UBXN2A: variants seen among roughly 807,000 people sequenced by gnomAD.
UBXN2A encodes the protein UBX domain protein 2A, also known as UBX domain-containing protein 2A.
A neutral mutation model predicts 28.4 loss-of-function variants in UBXN2A; 28 were observed. That is an observed-to-expected ratio of 0.99 (90% CI 0.73 to 1.35). UBXN2A has a LOEUF of 1.35. Among genes scored for constraint, UBXN2A ranks in the 40% most tolerant of loss-of-function variants. The probability of loss-of-function intolerance (pLI) is 0.00; values close to 1 mark genes in which losing one functional copy is unlikely to be tolerated. For synonymous variants in UBXN2A, 97 were observed against 103.6 expected, an observed-to-expected ratio of 0.94 and a Z score of 0.39; for missense variants, 253 against 297.9, an observed-to-expected ratio of 0.85 and a Z score of 1.11.
At chr2:23,964,866 G>C (rs1278785161) in intron 2 of UBXN2A, among the ~76,000 whole-genome samples, 1 of 152,156 alleles carries the variant, frequency 6.6e-6, no homozygotes, top group Non-Finnish European at 1.5e-5. Context: ...TTTACTGGCT[G>C]AGCGCAGTGG....
intron 6 of UBXN2A, among the ~76,000 whole-genome samples, chr2:23,990,540 C>CG (rs1223236990): frequency 8.3e-4 from 40 of 48,078 alleles, no homozygotes; most frequent in South Asian, 6.7e-3. Context: ...GCCGGGGGGG[C>CG]GGGGGGGCGG....
intron 2 of UBXN2A, among the ~76,000 whole-genome samples, chr2:23,965,528 A>G (rs939311568): frequency 7.2e-5 from 11 of 152,194 alleles, no homozygotes; most frequent in African/African-American, 2.7e-4. Flanking sequence ...ATTAATTTTC[A>G]GTGTTAAACC....
chr2:23,981,438 A>C (rs1707894351), intron 4 of UBXN2A, among the ~76,000 whole-genome samples: 1 of 128,254 alleles, frequency 7.8e-6, no homozygotes. Context: ...TGTTGTTGCC[A>C]CTGGACTCCA....
At chr2:23,958,274 T>C in intron 1 of UBXN2A, 27 bp from the exon 2 acceptor site, 1 of 1,567,934 alleles carries the variant, frequency 6.4e-7, no homozygotes, top group Non-Finnish European at 8.6e-7. Context: ...TACTTTCTTT[T>C]TACTTACTTT....
At chr2:23,982,812 A>G in intron 4 of UBXN2A, 84 bp from the exon 5 acceptor site, 1 of 1,382,420 alleles carries the variant, frequency 7.2e-7, no homozygotes, top group Non-Finnish European at 9.7e-7. Context: ...ATTTCTACAT[A>G]TTCATTTTTT....
Position 23,984,710 on chromosome 2 carries a change from G to T in UBXN2A, c.463G>T (p.Glu155Ter). Residue 155 changes from glutamate to a stop codon, truncating the protein, a stop_gained, in exon 6 of 7, where the codon GAA becomes TAA. Transcript: ENST00000309033. LOFTEE classifies it high-confidence loss of function. ...AATTGTTTCTAAAGCAAAGAATATT[G>T]AAGTTGAAAATAAAAATAATTTGTC... ...PKIVSKAKNI[E>*]VENKNNLSAV... is the part of the protein sequence containing the mutation. The T allele has an allele frequency of 1.9e-6, 3 of 1,561,478 alleles. No homozygotes were observed. Among genetic ancestry groups the T allele is most frequent in the Non-Finnish European group, 2.6e-6 (3 of 1,162,744 alleles).
intron 6 of UBXN2A, among the ~76,000 whole-genome samples, chr2:23,986,960 G>A (rs1353113791): frequency 6.6e-6 from 1 of 151,988 alleles, no homozygotes; most frequent in African/African-American, 2.4e-5. Context: ...TGTAGTCCCA[G>A]CAATTTGGGA....
At chr2:23,937,138 G>A (rs1705554573), upstream of UBXN2A, among the ~76,000 whole-genome samples, 1 of 152,210 alleles carries the variant, frequency 6.6e-6, no homozygotes, top group African/African-American at 2.4e-5. Flanking sequence ...GAGATTACAG[G>A]TGTAAGCCAC....
chr2:23,958,229 G>A (rs1028202648), intron 1 of UBXN2A, 72 bp from the exon 2 acceptor site: 23 of 1,215,992 alleles, frequency 1.9e-5, no homozygotes, highest in South Asian at 3.3e-5. Flanking sequence ...AATACTTTAG[G>A]ACTACATGGT....
At chr2:23,969,564 C>T (rs772756161) in intron 2 of UBXN2A, among the ~76,000 whole-genome samples, 33 of 151,856 alleles carry the variant, frequency 2.2e-4, no homozygotes, top group African/African-American at 6.0e-4. Context: ...GGTTTCACCA[C>T]GTTGGCCAGA....
chr2:23,951,579 G>A (rs1455850467), intron 1 of UBXN2A, among the ~76,000 whole-genome samples: 1 of 151,768 alleles, frequency 6.6e-6, no homozygotes, highest in African/African-American at 2.4e-5. Flanking sequence ...TCCTGCCTCA[G>A]CCTCTGGAGT....
At chr2:23,989,592 C>T (rs755700990) in intron 6 of UBXN2A, among the ~76,000 whole-genome samples, 7 of 151,602 alleles carry the variant, frequency 4.6e-5, no homozygotes, top group Non-Finnish European at 5.9e-5. Flanking sequence ...CGTGAATCCA[C>T]GTAGATACAT....
chr2:23,961,627 A>T (rs1372110164), intron 2 of UBXN2A, among the ~76,000 whole-genome samples: 1 of 126,918 alleles, frequency 7.9e-6, no homozygotes, highest in African/African-American at 2.9e-5. Context: ...GGCTCATTGC[A>T]ACCTCCGCCT....
At chr2:23,952,846 T>G (rs1305198556) in intron 1 of UBXN2A, among the ~76,000 whole-genome samples, 4 of 152,138 alleles carry the variant, frequency 2.6e-5, no homozygotes, top group Admixed American at 2.6e-4. Context: ...CCCAAAGTGC[T>G]GAGATTACAG....
At chr2:23,982,816 A>C (rs556140937) in intron 4 of UBXN2A, 80 bp from the exon 5 acceptor site, 1 of 1,424,046 alleles carries the variant, frequency 7.0e-7, no homozygotes, top group South Asian at 1.5e-5. Context: ...CTACATATTC[A>C]TTTTTTGTAT....
chr2:23,929,681 CCA>C (rs1424661228), intron 1 of UBXN2A, among the ~76,000 whole-genome samples: 2 of 151,722 alleles, frequency 1.3e-5, no homozygotes, highest in Middle Eastern at 3.4e-3. Flanking sequence ...CCACTGCACT[CCA>C]GTCTGGGCAA....
chr2:23,993,477 CT>C (rs763583123), intron 6 of UBXN2A, among the ~76,000 whole-genome samples: 4 of 152,090 alleles, frequency 2.6e-5, no homozygotes, highest in Non-Finnish European at 5.9e-5. Context: ...GCCACTGCCC[CT>C]GGCCAACAAT....
chr2:23,946,511 C>T (rs1371798387), intron 1 of UBXN2A, among the ~76,000 whole-genome samples: 3 of 151,810 alleles, frequency 2.0e-5, no homozygotes, highest in South Asian at 2.1e-4. Flanking sequence ...TTAATAGAGA[C>T]GGGGTTTCAC....
At chr2:23,934,663 A>C (rs1705472798) in intron 1 of UBXN2A, among the ~76,000 whole-genome samples, 1 of 152,254 alleles carries the variant, frequency 6.6e-6, no homozygotes. Flanking sequence ...TAATAAACAA[A>C]TTACTCAGTC....
Sources: allele counts gnomAD v4.1 joint callset (sites outside exome capture counted in the v4.1 genomes callset), GRCh38; gene constraint gnomAD v4.1.1; transcripts MANE v1.5; gene names NCBI Gene and HGNC (gene_info 2026-07-23, HGNC 2026-07-21).